The following SMIM47 variants were observed in gnomAD, a reference collection of about 807,000 sequenced individuals.
SMIM47 encodes CTD-2568A17.1.
chr19:50,785,902 A>G, the SMIM47 span: 3 of 398,974 alleles, frequency 7.5e-6, no homozygotes, highest in East Asian at 7.1e-5. Flanking sequence ...GACCAGGGAG[A>G]CAGAGACTCA....
the SMIM47 span, chr19:50,785,868 A>C: frequency 2.5e-6 from 1 of 398,720 alleles, no homozygotes; most frequent in African/African-American, 2.1e-5. Context: ...TGGGAGAGAA[A>C]GAGAGACCAA....
chr19:50,785,772 G>T, the SMIM47 span: 1 of 398,660 alleles, frequency 2.5e-6, no homozygotes, highest in South Asian at 1.3e-4. Flanking sequence ...GATGGCAGAG[G>T]GAGAGGCAGG....
At chr19:50,785,922 TCC>T in the SMIM47 span, 1 of 398,648 alleles carries the variant, frequency 2.5e-6, no homozygotes, top group African/African-American at 2.1e-5. Context: ...AGCCCCCACC[TCC>T]GCTCTTCTCC....
the SMIM47 span, chr19:50,785,914 C>G: frequency 2.5e-6 from 1 of 399,064 alleles, no homozygotes; most frequent in East Asian, 3.6e-5. Flanking sequence ...AGAGACTCAG[C>G]CCCCACCTCC....
chr19:50,785,876 C>A, the SMIM47 span: 1 of 398,842 alleles, frequency 2.5e-6, no homozygotes, highest in Non-Finnish European at 4.4e-6. Flanking sequence ...AAAGAGAGAC[C>A]AAGATGACAG....
At chr19:50,785,792 C>T in the SMIM47 span, 17 of 398,588 alleles carry the variant, frequency 4.3e-5, no homozygotes, top group South Asian at 1.3e-4. Flanking sequence ...GGCTCTTGTG[C>T]GGGGAGGTCC....
Sources: gnomAD v4.1 joint callset for allele counts on GRCh38, gnomAD v4.1.1 for gene constraint, MANE v1.5 for transcripts, NCBI Gene and HGNC (gene_info 2026-07-23, HGNC 2026-07-21) for gene names.